Variants in CPD observed in about 807,000 individuals in gnomAD.
CPD encodes carboxypeptidase D, also known as metallocarboxypeptidase D.
Under a neutral mutation model 138.3 loss-of-function variants are expected in CPD, and 69 were observed. That is an observed-to-expected ratio of 0.50 (90% CI 0.41 to 0.61). The LOEUF is 0.61. CPD is among the 20% of genes least tolerant of loss of function. The pLI, the probability that CPD is intolerant of heterozygous loss-of-function variation, is 0.00. For synonymous variants in CPD, 651 were observed against 642.1 expected, an observed-to-expected ratio of 1.01 and a Z score of -0.21; for missense variants, 1,432 against 1,733.3, an observed-to-expected ratio of 0.83 and a Z score of 3.09.
At chr17:30,430,852 A>G (rs1912543376) in intron 7 of CPD, among the ~76,000 whole-genome samples, 1 of 152,050 alleles carries the variant, frequency 6.6e-6, no homozygotes, top group Non-Finnish European at 1.5e-5. Context: ...AGGGTCTCCC[A>G]GTGTTGCCCA....
intron 7 of CPD, among the ~76,000 whole-genome samples, chr17:30,430,948 T>A (rs1486602717): frequency 1.3e-5 from 2 of 152,176 alleles, no homozygotes; most frequent in African/African-American, 4.8e-5. Context: ...TGAACTACTG[T>A]ACGCAGCCCC....
rs559994995 is a variant in CPD, at chr17:30,423,045, A to G, written c.1657+22A>G. ...CCAGGTAATTGGTATGGTCTTACAC[A>G]TAATTTCAGTAGTGCCCCTCAAAGC... On this transcript the variant is annotated intron_variant, in intron 5 of 20. Coordinates refer to ENST00000225719, the MANE Select transcript of CPD (RefSeq NM_001304.5). The G allele has an allele frequency of 1.8e-5, 27 of 1,541,416 alleles. No homozygotes were observed. In the Admixed American group the frequency reaches 3.0e-4, roughly 17 times the overall value.
chr17:30,432,311 G>A (rs866722828), intron 8 of CPD, among the ~76,000 whole-genome samples: 1 of 152,108 alleles, frequency 6.6e-6, no homozygotes, highest in African/African-American at 2.4e-5. Flanking sequence ...ACATTTCAAA[G>A]TAAGTCAGTA....
chr17:30,437,276 A>G (rs1464096204), intron 8 of CPD, among the ~76,000 whole-genome samples: 3 of 152,158 alleles, frequency 2.0e-5, no homozygotes, highest in African/African-American at 7.2e-5. Flanking sequence ...AAATGGAGTC[A>G]ATGTGTGGAA....
chr17:30,436,931 A>T (rs549675931), intron 8 of CPD, among the ~76,000 whole-genome samples: 2 of 152,238 alleles, frequency 1.3e-5, no homozygotes, highest in Non-Finnish European at 2.9e-5. Flanking sequence ...ATACAGTGGA[A>T]TATTATTCAG....
At chr17:30,402,972 G>A (rs556196905) in intron 2 of CPD, among the ~76,000 whole-genome samples, 21 of 152,204 alleles carry the variant, frequency 1.4e-4, no homozygotes, top group Non-Finnish European at 2.4e-4. Context: ...TGGGCATGGT[G>A]GCACATGCTT....
At position 30,379,439 on chromosome 17, in the gene CPD, C is replaced by T. The variant is rs1173545984; in HGVS notation, c.459C>T (p.Ala153=). Residue 153 remains alanine, a synonymous_variant, in exon 1 of 21, where the codon GCC becomes GCT. Coordinates refer to ENST00000225719, the MANE Select transcript of CPD (RefSeq NM_001304.5). The surrounding 1 kb of genome is among the most constrained non-coding windows in gnomAD (Gnocchi z 7.0). ...TVSRQVLIYL[A]RELAAGYRRG... is the part of the protein sequence containing the mutation. ...CGCGCCAGGTGTTGATCTACTTGGC[C>T]CGCGAGCTGGCGGCCGGCTACCGCC... 6.4e-7 allele frequency: 1 copy of T among 1,569,206 alleles called. No individual in the cohort carries two copies.
At chr17:30,427,847 C>T (rs1373221677) in intron 7 of CPD, among the ~76,000 whole-genome samples, 1 of 150,528 alleles carries the variant, frequency 6.6e-6, no homozygotes, top group Non-Finnish European at 1.5e-5. Flanking sequence ...CTTCTCTTTC[C>T]CTTCTCTTAC....
At chr17:30,423,408 A>C in intron 5 of CPD, 98 bp from the exon 6 acceptor site, 1 of 879,548 alleles carries the variant, frequency 1.1e-6, no homozygotes, top group African/African-American at 1.8e-5. Context: ...TGTTTAAAAA[A>C]TTTTTTAGTA....
intron 9 of CPD, among the ~76,000 whole-genome samples, chr17:30,441,769 T>C (rs1232571798): frequency 7.3e-6 from 1 of 136,694 alleles, no homozygotes; most frequent in East Asian, 2.1e-4. Context: ...GCCCACTTGA[T>C]CATGGTGGAT....
At position 30,460,468 on chromosome 17, in the gene CPD, C is replaced by T. The variant is rs139632672; in HGVS notation, c.3499-712C>T. Among the ~76,000 whole-genome samples, 3 of 152,104 alleles carry T rather than the reference C, an allele frequency of 2.0e-5. No homozygotes were observed. In the East Asian group the frequency reaches 5.8e-4, roughly 29 times the overall value. ...TATCTAGACAAAAAGTAATGAGGGC[C>T]TAGGTTATGCTAGTGGCAACGAGAG... On this transcript the variant is annotated intron_variant, in intron 17 of 20. Transcript: ENST00000225719.
chr17:30,415,512 C>T (rs1191099459), intron 2 of CPD, among the ~76,000 whole-genome samples: 1 of 151,644 alleles, frequency 6.6e-6, no homozygotes, highest in Non-Finnish European at 1.5e-5. Flanking sequence ...AATATTAACC[C>T]CCTAAAAAGG....
At chr17:30,428,383 G>T (rs924399945) in intron 7 of CPD, among the ~76,000 whole-genome samples, 2 of 152,160 alleles carry the variant, frequency 1.3e-5, no homozygotes, top group African/African-American at 2.4e-5. Context: ...AATGTTCAAT[G>T]TACATGAACG....
chr17:30,437,915 C>T (rs1247906632), intron 8 of CPD, among the ~76,000 whole-genome samples: 2 of 151,554 alleles, frequency 1.3e-5, no homozygotes, highest in Non-Finnish European at 2.9e-5. Flanking sequence ...TGGTTTACTG[C>T]AGCCTCAACC....
At chr17:30,395,908 C>T (rs777564730) in intron 2 of CPD, among the ~76,000 whole-genome samples, 2 of 151,928 alleles carry the variant, frequency 1.3e-5, no homozygotes, top group Non-Finnish European at 2.9e-5. Context: ...AGATAGGTTG[C>T]TCAGAATACA....
At chr17:30,456,171 A>C in intron 15 of CPD, 85 bp from the exon 16 acceptor site, 1 of 1,006,382 alleles carries the variant, frequency 9.9e-7, no homozygotes, top group Non-Finnish European at 1.5e-6. Flanking sequence ...TAGGAGAAAA[A>C]GATGACTTGT....
At chr17:30,397,729 T>G (rs2143339518) in intron 2 of CPD, among the ~76,000 whole-genome samples, 1 of 101,156 alleles carries the variant, frequency 9.9e-6, no homozygotes, top group Middle Eastern at 9.1e-3. Context: ...AGAGCAAGAC[T>G]CCTGTCTCAA....
rs773710859 is a variant in CPD at position 30,423,574 on chromosome 17, A to T, written c.1726A>T (p.Asn576Tyr). ...AGTGGTTGGAAGAGAACTGCTGTTG[A>T]ACCTCATAGAATACCTTTGTAAGAA... Reference protein sequence around the residue: ...NEVVGRELLLNLIEYLCKNFG... With the variant: ...NEVVGRELLLYLIEYLCKNFG... Residue 576 changes from asparagine to tyrosine, a missense_variant, in exon 6 of 21, where the codon AAC becomes TAC. Asn to Tyr is a moderately radical substitution (Grantham distance 143). Coordinates refer to ENST00000225719, the MANE Select transcript of CPD (RefSeq NM_001304.5). 2 of 1,611,710 alleles carry T rather than the reference A, an allele frequency of 1.2e-6. No homozygotes were observed. The highest frequency in any genetic ancestry group is 3.4e-5 in the Admixed American group (2 of 59,576).
intron 2 of CPD, among the ~76,000 whole-genome samples, chr17:30,398,284 G>A (rs1376449645): frequency 2.0e-5 from 3 of 151,754 alleles, no homozygotes; most frequent in Admixed American, 1.3e-4. Flanking sequence ...ATAGAAACTC[G>A]CTTATTTATG....
Sources: gnomAD v4.1 joint callset for allele counts (sites outside exome capture counted in the v4.1 genomes callset) on GRCh38, gnomAD v4.1.1 for gene constraint, Gnocchi (gnomAD v3.1) non-coding constraint, MANE v1.5 for transcripts, NCBI Gene and HGNC (gene_info 2026-07-23, HGNC 2026-07-21) for gene names.